ARHGAP6: variants seen among roughly 807,000 people sequenced by gnomAD.
The protein encoded by ARHGAP6 is Rho GTPase activating protein 6.
Under a neutral mutation model 55.7 loss-of-function variants are expected in ARHGAP6, and 16 were observed. That is an observed-to-expected ratio of 0.29 (90% confidence interval 0.19 to 0.44). The LOEUF (loss-of-function observed/expected upper bound fraction) is 0.44. ARHGAP6 is among the 20% of genes least tolerant of loss of function. The pLI, the probability that ARHGAP6 is intolerant of heterozygous loss-of-function variation, is 1.00. For missense variants in ARHGAP6, 698 were observed against 808.9 expected (o/e 0.86, Z 1.66); for synonymous variants, 382 against 360.9 (o/e 1.06, Z -0.66).
At chrX:11,309,119 T>C (rs2048268352) in intron 1 of ARHGAP6, among the ~76,000 whole-genome samples, 1 of 112,052 alleles carries the variant, frequency 8.9e-6, no homozygotes, top group South Asian at 3.7e-4. Flanking sequence ...GTTCACCTTT[T>C]CCAGATGCTG....
intron 1 of ARHGAP6, among the ~76,000 whole-genome samples, chrX:11,565,865 G>A (rs1253683743): frequency 8.9e-6 from 1 of 111,808 alleles, no homozygotes; most frequent in Admixed American, 9.5e-5. Flanking sequence ...AGCAGTTCAG[G>A]TACCAACAGC....
chrX:11,622,033 C>A (rs1355337956), intron 1 of ARHGAP6, among the ~76,000 whole-genome samples: 1 of 111,638 alleles, frequency 9.0e-6, no homozygotes, highest in Non-Finnish European at 1.9e-5. Context: ...ATTCTACTCC[C>A]AGAGAAACCA....
intron 2 of ARHGAP6, among the ~76,000 whole-genome samples, chrX:11,212,140 A>T (rs1221383844): frequency 2.7e-5 from 3 of 111,790 alleles, no homozygotes; most frequent in Non-Finnish European, 5.6e-5. Context: ...AGAATATTAG[A>T]CTATATATGT....
chrX:11,474,918 G>A (rs2050388497), intron 1 of ARHGAP6, among the ~76,000 whole-genome samples: 1 of 110,688 alleles, frequency 9.0e-6, no homozygotes, highest in African/African-American at 3.3e-5. Context: ...GTCCCTCTTT[G>A]CATGTGCCCA....
At chrX:11,230,874 A>C (rs1420027042) in intron 2 of ARHGAP6, among the ~76,000 whole-genome samples, 1 of 110,383 alleles carries the variant, frequency 9.1e-6, no homozygotes, top group Non-Finnish European at 1.9e-5. Context: ...AGCATTCCCC[A>C]CTATCCATGT....
intron 1 of ARHGAP6, among the ~76,000 whole-genome samples, chrX:11,444,800 C>A (rs954227514): frequency 5.3e-5 from 6 of 112,255 alleles, no homozygotes; most frequent in African/African-American, 1.9e-4. Context: ...GAGAACCACA[C>A]AATGCAAATG....
chrX:11,564,300 C>A (rs1202860835), intron 1 of ARHGAP6, among the ~76,000 whole-genome samples: 1 of 110,756 alleles, frequency 9.0e-6, no homozygotes, highest in Non-Finnish European at 1.9e-5. Flanking sequence ...TTTTTTAAAA[C>A]CTTCAGAACA....
intron 5 of ARHGAP6, among the ~76,000 whole-genome samples, chrX:11,183,797 C>A (rs1379204566): frequency 3.6e-5 from 4 of 111,784 alleles, no homozygotes; most frequent in African/African-American, 1.3e-4. Flanking sequence ...ACTCTGATTG[C>A]GGTGTGATTT....
chrX:11,176,694 T>G (rs1237434556), intron 8 of ARHGAP6, among the ~76,000 whole-genome samples: 1 of 110,780 alleles, frequency 9.0e-6, no homozygotes, highest in Non-Finnish European at 1.9e-5. Context: ...TGCTACAGCT[T>G]CTGTTATAAC....
At chrX:11,290,490 C>CAAAA (rs746332445) in intron 1 of ARHGAP6, 19 of 178,192 alleles carry the variant, frequency 1.1e-4, no homozygotes, top group East Asian at 1.6e-4. Flanking sequence ...TCTACCCCAG[C>CAAAA]AAAAAAAAAA....
chrX:11,603,732 G>A (rs776238679), intron 1 of ARHGAP6, among the ~76,000 whole-genome samples: 42 of 112,236 alleles, frequency 3.7e-4, no homozygotes, highest in Non-Finnish European at 6.8e-4. Context: ...AGGATTGTGT[G>A]TAGAGAAGAC....
chrX:11,307,014 G>A (rs182083334), intron 1 of ARHGAP6, among the ~76,000 whole-genome samples: 149 of 111,556 alleles, frequency 1.3e-3, no homozygotes, highest in Non-Finnish European at 2.5e-3. Flanking sequence ...CTTTGAGTGT[G>A]AACCTGCTCA....
chrX:11,540,272 GAA>G (rs374291177), intron 1 of ARHGAP6, among the ~76,000 whole-genome samples: 3 of 62,876 alleles, frequency 4.8e-5, no homozygotes, highest in Admixed American at 1.8e-4. Flanking sequence ...AAAAGGAAAA[GAA>G]AAAAAAAAAA....
At chrX:11,145,199 T>C (rs1449202197) in intron 10 of ARHGAP6, 2 of 112,666 alleles carry the variant, frequency 1.8e-5, no homozygotes. Context: ...TTCTCTTTAC[T>C]AGTCTTTGCT....
At chrX:11,242,278 T>G (rs1437997450) in intron 2 of ARHGAP6, among the ~76,000 whole-genome samples, 3 of 112,262 alleles carry the variant, frequency 2.7e-5, no homozygotes, top group Admixed American at 1.9e-4. Context: ...GCTGATCTCA[T>G]GGTTTAGATG....
chrX:11,572,688 A>C (rs1346390859), intron 1 of ARHGAP6, among the ~76,000 whole-genome samples: 6 of 111,877 alleles, frequency 5.4e-5, no homozygotes, highest in Admixed American at 9.5e-5. Flanking sequence ...ATTTATAGTC[A>C]TTTGGGTATA....
chrX:11,138,352 A>G lies in ARHGAP6; in HGVS notation c.*511T>C, dbSNP rs1397061044. The G allele has an allele frequency of 8.8e-6, 1 of 113,173 alleles. No homozygotes were observed. Among genetic ancestry groups the G allele is most frequent in the Non-Finnish European group, 1.9e-5 (1 of 53,759 alleles). 9.3% of individuals were successfully genotyped at this position (113,173 alleles called of 1,213,427 possible). On this transcript the variant is annotated 3_prime_UTR_variant, in exon 13 of 13. Transcript: ENST00000337414. ...AAGGGTTATCCCCAGTTATAAAGCT[A>G]TGGCAAAAGCACAGAAACCCGCTTG...
intron 1 of ARHGAP6, among the ~76,000 whole-genome samples, chrX:11,589,289 G>A (rs1476089538): frequency 9.2e-6 from 1 of 108,584 alleles, no homozygotes. Context: ...TAATCCTCCC[G>A]CCTCGGCCTC....
At chrX:11,617,514 T>G (rs1274028682) in intron 1 of ARHGAP6, among the ~76,000 whole-genome samples, 2 of 111,872 alleles carry the variant, frequency 1.8e-5, no homozygotes, top group African/African-American at 6.5e-5. Context: ...ATTGTGTTAC[T>G]TTACATGGCA....
Sources: gnomAD v4.1 joint callset for allele counts (sites outside exome capture counted in the v4.1 genomes callset) on GRCh38, gnomAD v4.1.1 for gene constraint, MANE v1.5 for transcripts, NCBI Gene and HGNC (gene_info 2026-07-23, HGNC 2026-07-21) for gene names.